Variants in NR3C1 observed in about 807,000 individuals in gnomAD.
The protein encoded by NR3C1 is glucocorticoid receptor.
Under a neutral mutation model 74.0 loss-of-function variants are expected in NR3C1, and 14 were observed. The ratio of observed to expected loss-of-function variants is 0.19; its 90% CI spans 0.12 to 0.30. The LOEUF (loss-of-function observed/expected upper bound fraction) is 0.30. Among genes scored for constraint, NR3C1 ranks in the 10% least tolerant of loss-of-function variants. NR3C1 has a pLI of 1.00. For missense variants in NR3C1, 695 were observed against 909.8 expected (o/e 0.76, Z 3.04); for synonymous variants, 308 against 332.5 (o/e 0.93, Z 0.80).
chr5:143,351,659 A>G (rs1258225168), intron 2 of NR3C1, among the ~76,000 whole-genome samples: 3 of 152,178 alleles, frequency 2.0e-5, no homozygotes, highest in African/African-American at 7.2e-5. Flanking sequence ...CATTTGATCA[A>G]TATTAATCTG....
intron 1 of NR3C1, among the ~76,000 whole-genome samples, chr5:143,431,750 C>T (rs531706317): frequency 6.6e-6 from 1 of 152,284 alleles, no homozygotes; most frequent in African/African-American, 2.4e-5. Context: ...CAAAACTTGC[C>T]TGTACACAGC....
At position 143,300,659 on chromosome 5, in the gene NR3C1, A is replaced by C; in HGVS notation, c.1573T>G (p.Leu525Val). 1 of 1,614,172 alleles carries C rather than the reference A, an allele frequency of 6.2e-7. No individual in the cohort carries two copies. The highest frequency in any genetic ancestry group is 8.5e-7 in the Non-Finnish European group (1 of 1,180,014). ...PGNKTIVPATLPQLTPTLVSL... is the reference protein window; with the variant it reads ...PGNKTIVPATVPQLTPTLVSL... ...ACCAGGGTAGGGGTGAGTTGTGGTA[A>C]CGTTGCAGGAACTATTGTTTTGTTA... The change falls in exon 5 of 9, where the codon TTA (leucine) becomes GTA (valine). Residue 525 changes from leucine (L) to valine (V), a missense_variant. Coordinates refer to ENST00000394464, the MANE Select transcript of NR3C1 (RefSeq NM_000176.3). The surrounding 1 kb of genome is among the most constrained non-coding windows in gnomAD (Gnocchi z 5.2).
intron 2 of NR3C1, among the ~76,000 whole-genome samples, chr5:143,330,895 G>A (rs1825809588): frequency 6.6e-6 from 1 of 152,096 alleles, no homozygotes; most frequent in Non-Finnish European, 1.5e-5. Context: ...CAATTAGCGG[G>A]TTCAGTGCTA....
intron 2 of NR3C1, among the ~76,000 whole-genome samples, chr5:143,323,478 C>T (rs1473091718): frequency 2.0e-5 from 3 of 152,052 alleles, no homozygotes; most frequent in Admixed American, 1.3e-4. Flanking sequence ...TGCACCCCCA[C>T]CCCCGGGTCC....
intron 2 of NR3C1, among the ~76,000 whole-genome samples, chr5:143,345,559 A>C (rs1829122979): frequency 6.6e-6 from 1 of 152,196 alleles, no homozygotes; most frequent in East Asian, 1.9e-4. Flanking sequence ...TAATCATTCA[A>C]ATGCATGACA....
exon 1 of NR3C1, chr5:143,434,841 G>A (rs961593137): frequency 9.1e-6 from 9 of 985,256 alleles, no homozygotes; most frequent in Non-Finnish European, 1.1e-5. Context: ...CCTTTTTTCA[G>A]AAGAAGCCAG....
Position 143,394,223 on chromosome 5 carries a change from C to T in NR3C1, c.1184+5433G>A, listed in dbSNP as rs1165800512. On this transcript the variant is annotated intron_variant, in intron 2 of 8. Coordinates refer to ENST00000394464, the MANE Select transcript of NR3C1 (RefSeq NM_000176.3). ...TGAAAAAGCATGTTTAAGCATGCAG[C>T]TCTATTGGGATGTAATTAATATTTA... 2.0e-5 allele frequency among the ~76,000 whole-genome samples: 3 copies of T among 151,974 alleles called. No homozygotes were observed. In the East Asian group the frequency reaches 5.8e-4, roughly 29 times the overall value.
rs116692742 is a variant in NR3C1, at chr5:143,336,214, A to G, written c.1185-22046T>C. Among the ~76,000 whole-genome samples the G allele has an allele frequency of 2.4e-3, 359 of 152,350 alleles. 2 individuals are homozygous for G. Among genetic ancestry groups the G allele is most frequent in the African/African-American group, 8.1e-3 (338 of 41,592 alleles). ...CAGAGCCCTGGCTGTTGTTCACATG[A>G]TAATTCCTTTAGCCATATCTCTGTT... On this transcript the variant is annotated intron_variant, in intron 2 of 8. Coordinates refer to ENST00000394464, the MANE Select transcript of NR3C1 (RefSeq NM_000176.3).
intron 2 of NR3C1, among the ~76,000 whole-genome samples, chr5:143,360,388 CT>C (rs1367202591): frequency 1.3e-5 from 2 of 152,056 alleles, no homozygotes; most frequent in Non-Finnish European, 2.9e-5. Context: ...AAATGACTGC[CT>C]TTTTTTAGAG....
chr5:143,408,014 A>G (rs913450458), upstream of NR3C1, among the ~76,000 whole-genome samples: 3 of 152,262 alleles, frequency 2.0e-5, no homozygotes, highest in African/African-American at 7.2e-5. Context: ...AAATAATTTT[A>G]AGAAAGATAA....
At chr5:143,293,498 C>T (rs1310045735) in intron 7 of NR3C1, among the ~76,000 whole-genome samples, 7 of 152,034 alleles carry the variant, frequency 4.6e-5, no homozygotes, top group South Asian at 4.2e-4. Flanking sequence ...CCTACCACTA[C>T]CTGTTCCCCA....
chr5:143,327,101 G>C (rs868332575), intron 2 of NR3C1, among the ~76,000 whole-genome samples: 10 of 152,276 alleles, frequency 6.6e-5, no homozygotes, highest in Admixed American at 3.3e-4. Flanking sequence ...ATCTGAGACT[G>C]GGTAATTTAT....
In NR3C1 at chr5:143,295,480, GTTTTCA is replaced by G; in HGVS notation, c.1997_2002del (p.Met666_Lys667del). The G allele has an allele frequency of 6.2e-7, 1 of 1,612,882 alleles. No individual in the cohort carries two copies. Among genetic ancestry groups the G allele is most frequent in the Non-Finnish European group, 8.5e-7 (1 of 1,179,228 alleles). ...CCAACCTGAAGAGAGAAGCAGTAAG[GTTTTCA>G]TACAGAGATACTCTTCATAAGATAC... On this transcript the variant is annotated inframe_deletion, in exon 7 of 9. Transcript: ENST00000394464.
intron 1 of NR3C1, among the ~76,000 whole-genome samples, chr5:143,433,462 A>ATATTATTTATTTATTTAAAT (rs1751959895): frequency 6.8e-6 from 1 of 146,504 alleles, no homozygotes; most frequent in Non-Finnish European, 1.5e-5. Flanking sequence ...TTATATATAT[A>ATATTATTTATTTATTTAAAT]TATATATATT....
intron 2 of NR3C1, among the ~76,000 whole-genome samples, chr5:143,347,898 T>C (rs370956378): frequency 6.6e-6 from 1 of 152,350 alleles, no homozygotes; most frequent in East Asian, 1.9e-4. Flanking sequence ...AGTCTGCCTT[T>C]CCAAAACGGG....
chr5:143,404,772 C>G (rs926921524), upstream of NR3C1: 11 of 157,470 alleles, frequency 7.0e-5, no homozygotes, highest in Non-Finnish European at 1.4e-4. Context: ...ATATAGCCCC[C>G]CTTCCGAAAC....
intron 2 of NR3C1, among the ~76,000 whole-genome samples, chr5:143,330,371 T>C (rs1825717312): frequency 6.6e-6 from 1 of 152,190 alleles, no homozygotes; most frequent in Non-Finnish European, 1.5e-5. Context: ...TTGATAAACA[T>C]TTATAAGCAA....
chr5:143,397,144 T>C (rs1839372970), intron 2 of NR3C1, among the ~76,000 whole-genome samples: 1 of 151,866 alleles, frequency 6.6e-6, no homozygotes, highest in African/African-American at 2.4e-5. Context: ...GAATTGCCTC[T>C]TCCCACCCCC....
chr5:143,430,530 T>C (rs963409410), intron 1 of NR3C1, among the ~76,000 whole-genome samples: 1 of 152,222 alleles, frequency 6.6e-6, no homozygotes, highest in Non-Finnish European at 1.5e-5. Context: ...ATGATGGTAT[T>C]AGGAGGTAGG....
Sources: gnomAD v4.1 joint callset for allele counts (sites outside exome capture counted in the v4.1 genomes callset) on GRCh38, gnomAD v4.1.1 for gene constraint, Gnocchi (gnomAD v3.1) non-coding constraint, MANE v1.5 for transcripts, NCBI Gene and HGNC (gene_info 2026-07-23, HGNC 2026-07-21) for gene names.